The following ERICH3 variants were observed in gnomAD, a reference collection of about 807,000 sequenced individuals.
ERICH3 encodes the protein glutamate rich 3, also known as glutamate-rich protein 3.
A neutral mutation model predicts 131.1 loss-of-function variants in ERICH3; 126 were observed. The observed-to-expected ratio is 0.96, with a 90% confidence interval of 0.83 to 1.11. The LOEUF is 1.11. ERICH3 is among the 50% of genes most tolerant of loss of function. ERICH3 has a pLI of 0.00. For synonymous variants in ERICH3, 695 were observed against 644.6 expected, an observed-to-expected ratio of 1.08 and a Z score of -1.18; for missense variants, 2,050 against 1,810.7, an observed-to-expected ratio of 1.13 and a Z score of -2.40.
At chr1:74,616,219 C>T (rs1648958129) in intron 8 of ERICH3, among the ~76,000 whole-genome samples, 1 of 151,920 alleles carries the variant, frequency 6.6e-6, no homozygotes, top group Non-Finnish European at 1.5e-5. Flanking sequence ...GGGGTTTCGC[C>T]TTGCTGGCCA....
At chr1:74,615,539 A>G (rs1047021260) in intron 8 of ERICH3, among the ~76,000 whole-genome samples, 4 of 152,240 alleles carry the variant, frequency 2.6e-5, no homozygotes, top group Non-Finnish European at 5.9e-5. Context: ...AAAAATACTG[A>G]AAAATATCAA....
chr1:74,649,371 G>A, intron 1 of ERICH3, 56 bp from the exon 2 acceptor site: 3 of 1,371,116 alleles, frequency 2.2e-6, no homozygotes, highest in Non-Finnish European at 3.1e-6. Flanking sequence ...TGATAACCAA[G>A]GCAATTCTTT....
chr1:74,667,779 T>C (rs1646705586), intron 1 of ERICH3, among the ~76,000 whole-genome samples: 1 of 152,186 alleles, frequency 6.6e-6, no homozygotes, highest in Non-Finnish European at 1.5e-5. Context: ...AAGACTTTCC[T>C]GGGGGACCTT....
At chr1:74,580,528 A>T (rs147429220) in intron 12 of ERICH3, among the ~76,000 whole-genome samples, 1 of 152,358 alleles carries the variant, frequency 6.6e-6, no homozygotes, top group East Asian at 1.9e-4. Flanking sequence ...TATGATGAAC[A>T]ATGTCATCAA....
intron 3 of ERICH3, among the ~76,000 whole-genome samples, chr1:74,646,079 C>T (rs1286270835): frequency 6.7e-6 from 1 of 148,530 alleles, no homozygotes; most frequent in African/African-American, 2.5e-5. Flanking sequence ...TTAAGATACC[C>T]TGTCAGATTA....
chr1:74,602,951 T>C (rs12084805), intron 10 of ERICH3, among the ~76,000 whole-genome samples: 3,788 of 151,996 alleles, frequency 0.025, 178 homozygotes, highest in African/African-American at 0.087. Flanking sequence ...GTAAAAGTGC[T>C]CTAAGTGAAA....
rs1016185785 is a variant in ERICH3 at position 74,573,148 on chromosome 1, C to G, written c.2562G>C (p.Gly854=). 1 of 1,612,966 alleles carries G rather than the reference C, an allele frequency of 6.2e-7. No homozygotes were observed. The highest frequency in any genetic ancestry group is 8.5e-7 in the Non-Finnish European group (1 of 1,179,478). Residue 854 remains glycine (G), a synonymous_variant, in exon 14 of 15, where the codon GGG becomes GGC. Transcript: ENST00000326665. ...CTGCTTGTCCTATGGGGTCTGACCC[C>G]CCTTCACCCAGCCTTCTGACCCCTT... The part of the protein sequence containing the change: ...EAEGVRRLGE[G]GSDPIGQAAA...
intron 12 of ERICH3, among the ~76,000 whole-genome samples, chr1:74,583,975 A>G (rs886064091): frequency 6.6e-6 from 1 of 152,200 alleles, no homozygotes; most frequent in African/African-American, 2.4e-5. Context: ...CTGTATTTTA[A>G]GAATGAAAGA....
At chr1:74,580,675 A>T (rs1647162174) in intron 12 of ERICH3, among the ~76,000 whole-genome samples, 1 of 152,174 alleles carries the variant, frequency 6.6e-6, no homozygotes, top group Admixed American at 6.5e-5. Context: ...CCTTTTGTGA[A>T]TTTCCTGCTA....
intron 9 of ERICH3, among the ~76,000 whole-genome samples, chr1:74,608,718 C>T (rs1224826905): frequency 6.6e-6 from 1 of 152,046 alleles, no homozygotes; most frequent in Non-Finnish European, 1.5e-5. Flanking sequence ...ACTTATCTCA[C>T]CCATATTAAG....
intron 8 of ERICH3, among the ~76,000 whole-genome samples, chr1:74,613,344 A>AT (rs1018553089): frequency 2.6e-5 from 4 of 152,156 alleles, no homozygotes; most frequent in African/African-American, 9.7e-5. Flanking sequence ...GAATTTTTCT[A>AT]TTACTAGATT....
At chr1:74,665,619 C>T (rs1431908757) in intron 1 of ERICH3, among the ~76,000 whole-genome samples, 2 of 152,136 alleles carry the variant, frequency 1.3e-5, no homozygotes, top group African/African-American at 4.8e-5. Context: ...TTGGTTTCTT[C>T]TGAGGGCCAT....
chr1:74,576,229 C>T (rs1260475764), intron 13 of ERICH3, among the ~76,000 whole-genome samples: 2 of 152,162 alleles, frequency 1.3e-5, no homozygotes, highest in East Asian at 3.9e-4. Context: ...ATAAAGAAAG[C>T]CCTAATAATC....
At chr1:74,581,557 A>G (rs1246021084) in intron 12 of ERICH3, among the ~76,000 whole-genome samples, 1 of 152,062 alleles carries the variant, frequency 6.6e-6, no homozygotes, top group Non-Finnish European at 1.5e-5. Flanking sequence ...TTCTGGTGAG[A>G]GTTAATTATA....
intron 7 of ERICH3, chr1:74,624,302 C>G (rs193013606): frequency 6.6e-5 from 10 of 152,276 alleles, no homozygotes; most frequent in Non-Finnish European, 1.5e-5. Flanking sequence ...ACCAGCCTGA[C>G]CATAAAAAGT....
intron 4 of ERICH3, among the ~76,000 whole-genome samples, chr1:74,642,619 AAGG>A (rs1646446461): frequency 1.3e-5 from 2 of 152,162 alleles, no homozygotes; most frequent in Non-Finnish European, 2.9e-5. Flanking sequence ...GTATATTTCC[AAGG>A]GTCACATTCA....
At chr1:74,578,786 G>GTAGTTT (rs1647122820) in intron 12 of ERICH3, among the ~76,000 whole-genome samples, 3 of 151,748 alleles carry the variant, frequency 2.0e-5, no homozygotes, top group Admixed American at 6.6e-5. Context: ...GAACTGGAAT[G>GTAGTTT]CAGTTTCTTG....
At chr1:74,602,282 A>G (rs937647665) in intron 10 of ERICH3, among the ~76,000 whole-genome samples, 1 of 151,942 alleles carries the variant, frequency 6.6e-6, no homozygotes, top group African/African-American at 2.4e-5. Flanking sequence ...ACATTTAAGT[A>G]TTAGCTTTCT....
chr1:74,637,434 C>T (rs546663009), intron 5 of ERICH3, among the ~76,000 whole-genome samples: 2 of 152,238 alleles, frequency 1.3e-5, no homozygotes, highest in African/African-American at 4.8e-5. Flanking sequence ...CTTAGCCCTG[C>T]CTACTTCTTT....
Sources: gnomAD v4.1 joint callset for allele counts (sites outside exome capture counted in the v4.1 genomes callset) on GRCh38, gnomAD v4.1.1 for gene constraint, MANE v1.5 for transcripts, NCBI Gene and HGNC (gene_info 2026-07-23, HGNC 2026-07-21) for gene names.